KLHL28: variants seen among roughly 807,000 people sequenced by gnomAD.
KLHL28 encodes kelch-like protein 28.
A neutral mutation model predicts 48.3 loss-of-function variants in KLHL28; 22 were observed. The observed-to-expected ratio is 0.46, with a 90% CI of 0.33 to 0.65. The LOEUF (loss-of-function observed/expected upper bound fraction) is 0.65, where lower values mean the gene tolerates loss of function less well. KLHL28 is among the 30% of genes least tolerant of loss of function. The probability of loss-of-function intolerance (pLI) is 0.03; values close to 1 mark genes in which losing one functional copy is unlikely to be tolerated. For missense variants in KLHL28, 527 were observed against 704.3 expected (o/e 0.75, Z 2.85); for synonymous variants, 243 against 242.4 (o/e 1.00, Z -0.02).
At chr14:44,937,531 A>C (rs564122371) in intron 2 of KLHL28, among the ~76,000 whole-genome samples, 2 of 152,180 alleles carry the variant, frequency 1.3e-5, no homozygotes, top group Non-Finnish European at 2.9e-5. Flanking sequence ...AGTGATAGTA[A>C]GACTAAAGGT....
chr14:44,960,810 G>A, intron 1 of KLHL28: 1 of 649,312 alleles, frequency 1.5e-6, no homozygotes, highest in Non-Finnish European at 2.5e-6. Flanking sequence ...TCAGCTGGGA[G>A]CATTATTTAT....
At chr14:44,937,101 T>G (rs1883856838) in intron 2 of KLHL28, among the ~76,000 whole-genome samples, 1 of 152,180 alleles carries the variant, frequency 6.6e-6, no homozygotes, top group African/African-American at 2.4e-5. Context: ...TGGTTAACTC[T>G]TAAGACTTAG....
intron 2 of KLHL28, among the ~76,000 whole-genome samples, chr14:44,935,033 T>A (rs1347686744): frequency 6.6e-6 from 1 of 152,186 alleles, no homozygotes; most frequent in African/African-American, 2.4e-5. Flanking sequence ...TCCAAGAGTG[T>A]TTACTACAGT....
intron 4 of KLHL28, among the ~76,000 whole-genome samples, chr14:44,930,828 GT>G: frequency 6.6e-6 from 1 of 152,262 alleles, no homozygotes; most frequent in East Asian, 1.9e-4. Context: ...ATGAGTTTGA[GT>G]TCAAAGATAA....
At chr14:44,952,778 A>T (rs1191315891) in intron 1 of KLHL28, among the ~76,000 whole-genome samples, 1 of 152,104 alleles carries the variant, frequency 6.6e-6, no homozygotes, top group African/African-American at 2.4e-5. Context: ...ATAAATGGCT[A>T]AAAAAAGTAA....
chr14:44,949,065 C>A lies in KLHL28; in HGVS notation c.1-3137G>T, dbSNP rs2138644146. 1.3e-5 allele frequency among the ~76,000 whole-genome samples: 2 copies of A among 152,142 alleles called. 1 individual carries two copies. The highest frequency in any genetic ancestry group is 6.8e-3 in the Middle Eastern group (2 of 294). ...AGGAGACCTAGTCACTTTGTAAATT[C>A]ATCTCTCTCTCAGACTAAACAATTA... is the stretch of plus-strand genomic sequence containing the variant. On this transcript the variant is annotated intron_variant, in intron 1 of 4. Coordinates refer to ENST00000396128, the MANE Select transcript of KLHL28 (RefSeq NM_017658.5).
At chr14:44,940,108 AGTAT>A (rs1884007005) in intron 2 of KLHL28, among the ~76,000 whole-genome samples, 1 of 152,228 alleles carries the variant, frequency 6.6e-6, no homozygotes, top group Non-Finnish European at 1.5e-5. Context: ...AGTGCAAGCG[AGTAT>A]GTATGTGAGA....
intron 4 of KLHL28, among the ~76,000 whole-genome samples, chr14:44,930,896 C>T (rs988786285): frequency 2.0e-5 from 3 of 152,134 alleles, no homozygotes; most frequent in African/African-American, 7.2e-5. Context: ...CTCTGAAATA[C>T]AACCCTTTTT....
rs759826905 is a variant in KLHL28, at chr14:44,931,352, T to G, written c.1533A>C (p.Pro511=). 1.9e-6 allele frequency: 3 copies of G among 1,612,318 alleles called. No homozygotes were observed. In the Admixed American group the frequency reaches 5.0e-5, roughly 27 times the overall value. The change falls in exon 4 of 5, where the codon CCA becomes CCC. Residue 511 remains proline (P), a synonymous_variant. Coordinates refer to ENST00000396128, the MANE Select transcript of KLHL28 (RefSeq NM_017658.5). The part of the protein sequence containing the change: ...PHQNQWTVCR[P]MKEPRTGVGA... ...TATTACCTGTTCTAGGTTCTTTCAT[T>G]GGTCTACACACAGTCCACTGATTTT...
At chr14:44,946,807 C>T (rs992058572) in intron 1 of KLHL28, among the ~76,000 whole-genome samples, 5 of 152,166 alleles carry the variant, frequency 3.3e-5, no homozygotes, top group Admixed American at 6.5e-5. Flanking sequence ...CCACCTGCTT[C>T]GGCTTCTCAA....
chr14:44,930,756 T>C (rs1414299778), intron 4 of KLHL28, among the ~76,000 whole-genome samples: 2 of 152,220 alleles, frequency 1.3e-5, no homozygotes, highest in East Asian at 3.8e-4. Context: ...TCAATCTGTA[T>C]GAGGAGTGCT....
chr14:44,931,221 T>TC, intron 4 of KLHL28, 112 bp downstream of exon 4: 1 of 603,152 alleles, frequency 1.7e-6, no homozygotes, highest in East Asian at 3.0e-5. Context: ...TTTTTTTTTT[T>TC]TTTCTGGACA....
chr14:44,939,326 C>T (rs1222532710), intron 2 of KLHL28, among the ~76,000 whole-genome samples: 1 of 152,188 alleles, frequency 6.6e-6, no homozygotes, highest in Non-Finnish European at 1.5e-5. Flanking sequence ...GCCTTTCTCC[C>T]ATTGTCTTGA....
At chr14:44,957,714 G>A (rs1160096710) in intron 1 of KLHL28, among the ~76,000 whole-genome samples, 1 of 152,088 alleles carries the variant, frequency 6.6e-6, no homozygotes, top group Non-Finnish European at 1.5e-5. Flanking sequence ...CCATTTTACA[G>A]ATAAAGAAAT....
At chr14:44,946,960 AG>A (rs1386076493) in intron 1 of KLHL28, among the ~76,000 whole-genome samples, 1 of 152,226 alleles carries the variant, frequency 6.6e-6, no homozygotes, top group African/African-American at 2.4e-5. Flanking sequence ...AAAAGGGATG[AG>A]AAAGAAAAGA....
At chr14:44,934,836 T>C (rs1883740349) in intron 2 of KLHL28, among the ~76,000 whole-genome samples, 1 of 152,228 alleles carries the variant, frequency 6.6e-6, no homozygotes, top group Admixed American at 6.5e-5. Context: ...ACATGTGTCC[T>C]GACTCAGTAA....
rs944547989 is a variant in KLHL28, at chr14:44,946,003, A to G, written c.1-75T>C. ...AAAAACACTGCTTTTCAAATAGTAC[A>G]GAATAATCAGATTTGTAATTTATTT... On this transcript the variant is annotated intron_variant, in intron 1 of 4. Transcript: ENST00000396128. The G allele has an allele frequency of 5.3e-6, 6 of 1,127,888 alleles. No individual in the cohort carries two copies. The Admixed American group carries it at 1.3e-4, about 25-fold the overall frequency. The allele number at this position is 1,127,888 out of a possible 1,614,324, so 69.9% of individuals were successfully genotyped here.
At chr14:44,958,424 T>G (rs900768045) in intron 1 of KLHL28, among the ~76,000 whole-genome samples, 1 of 152,096 alleles carries the variant, frequency 6.6e-6, no homozygotes, top group Non-Finnish European at 1.5e-5. Flanking sequence ...CAGTTTTCTT[T>G]AAAAAGAGAA....
chr14:44,959,528 G>T (rs1228398908), intron 1 of KLHL28: 1 of 152,086 alleles, frequency 6.6e-6, no homozygotes, highest in Non-Finnish European at 1.5e-5. Context: ...TAAAATTTGA[G>T]TAAGAACACA....
Sources: allele counts gnomAD v4.1 joint callset (sites outside exome capture counted in the v4.1 genomes callset), GRCh38; gene constraint gnomAD v4.1.1; transcripts MANE v1.5; gene names NCBI Gene and HGNC (gene_info 2026-07-23, HGNC 2026-07-21).